ZNF680: variants seen among roughly 807,000 people sequenced by gnomAD.
ZNF680 encodes hypothetical protein FLJ90430.
Under a neutral mutation model 12.1 loss-of-function variants are expected in ZNF680, and 6 were observed. The observed-to-expected ratio is 0.49, with a 90% CI of 0.27 to 0.98. The LOEUF (loss-of-function observed/expected upper bound fraction) is 0.98. Ranked by LOEUF, ZNF680 falls within the 50% of genes least tolerant of loss-of-function variation. The pLI is 0.12. For synonymous variants in ZNF680, 170 were observed against 199.3 expected, an observed-to-expected ratio of 0.85 and a Z score of 1.24; for missense variants, 561 against 616.3, an observed-to-expected ratio of 0.91 and a Z score of 0.95.
At chr7:64,525,948 A>C (rs1791817224) in intron 3 of ZNF680, 1 of 985,218 alleles carries the variant, frequency 1.0e-6, no homozygotes, top group African/African-American at 1.7e-5. Flanking sequence ...TTGGTAGTAG[A>C]CATATGGCTG....
intron 3 of ZNF680, 123 bp downstream of exon 3, chr7:64,543,584 T>G: frequency 1.3e-6 from 1 of 784,822 alleles, no homozygotes; most frequent in African/African-American, 1.8e-5. Flanking sequence ...GAAACTGAGC[T>G]TCCCAAAAAC....
At chr7:64,542,729 GTC>G (rs1352822454) in intron 3 of ZNF680, among the ~76,000 whole-genome samples, 1 of 152,086 alleles carries the variant, frequency 6.6e-6, no homozygotes, top group Non-Finnish European at 1.5e-5. Context: ...TTGAGACAGA[GTC>G]TCTGTCACAC....
Position 64,520,255 on chromosome 7 carries a change from T to A in ZNF680, c.*906A>T, listed in dbSNP as rs1427519007. On this transcript the variant is annotated 3_prime_UTR_variant, in exon 4 of 4. Coordinates refer to ENST00000309683, the MANE Select transcript of ZNF680 (RefSeq NM_178558.5). ...TTTATCACATGCTTTCACATGTGAA[T>A]ACAATAGGAATGAAATAAAGTAATT... 2 of 151,798 alleles carry A rather than the reference T, an allele frequency of 1.3e-5. No individual in the cohort carries two copies. The highest frequency in any genetic ancestry group is 3.0e-5 in the Non-Finnish European group (2 of 67,710). The allele number at this position is 151,798 out of a possible 1,614,324, so 9.4% of individuals were successfully genotyped here. A position where few individuals can be genotyped will look rare whatever the true frequency, so the allele number is the denominator to read the frequency against.
At chr7:64,518,634 T>TA (rs1328003597), downstream of ZNF680, among the ~76,000 whole-genome samples, 1 of 151,766 alleles carries the variant, frequency 6.6e-6, no homozygotes. Context: ...GGTACTGATA[T>TA]AAAAATAGGC....
At chr7:64,503,146 A>G in the ZNF680 span, among the ~76,000 whole-genome samples, 1 of 152,132 alleles carries the variant, frequency 6.6e-6, no homozygotes, top group Non-Finnish European at 1.5e-5. Context: ...TAGTATAAAG[A>G]AGCTGTTAGC....
the ZNF680 span, among the ~76,000 whole-genome samples, chr7:64,508,380 A>G: frequency 6.6e-6 from 1 of 152,048 alleles, no homozygotes; most frequent in Non-Finnish European, 1.5e-5. Context: ...AAAACATTTA[A>G]CTACTATTAT....
At position 64,522,009 on chromosome 7, in the gene ZNF680, G is replaced by A. The variant is rs752679571; in HGVS notation, c.745C>T (p.Gln249Ter). The A allele has an allele frequency of 3.1e-6, 5 of 1,612,224 alleles. No individual in the cohort carries two copies. The highest frequency in any genetic ancestry group is 1.1e-5 in the South Asian group (1 of 90,940). Residue 249 changes from glutamine to a stop codon, truncating the protein, a stop_gained, in exon 4 of 4, where the codon CAA becomes TAA. Coordinates refer to ENST00000309683, the MANE Select transcript of ZNF680 (RefSeq NM_178558.5). LOFTEE classifies it low-confidence loss of function (END_TRUNC). The part of the protein sequence containing the change: ...KCEECGKAFN[Q>*]SSTLIKHKKI... ...TTATGTTTAATAAGGGTTGAGGATT[G>A]GTTAAAGGCTTTGCCACATTCCTCA...
the ZNF680 span, among the ~76,000 whole-genome samples, chr7:64,508,120 A>AATATATATATATATATATATATATAT: frequency 5.8e-5 from 4 of 69,198 alleles, no homozygotes; most frequent in East Asian, 5.0e-4. Context: ...TATATTTTAA[A>AATATATATATATATATATATATATAT]ATGTATATAT....
the ZNF680 span, among the ~76,000 whole-genome samples, chr7:64,505,419 TA>T: frequency 1.3e-5 from 2 of 152,234 alleles, no homozygotes; most frequent in African/African-American, 4.8e-5. Flanking sequence ...ATTTCAATTG[TA>T]AAAACTATTT....
chr7:64,562,767 T>G (rs1217415341), intron 1 of ZNF680, among the ~76,000 whole-genome samples, 158 bp downstream of exon 1: 1 of 152,174 alleles, frequency 6.6e-6, no homozygotes, highest in African/African-American at 2.4e-5. Context: ...GCCGCCATCT[T>G]ATGGCTGAAG....
At chr7:64,517,138 G>C (rs923015970), downstream of ZNF680, among the ~76,000 whole-genome samples, 3 of 151,090 alleles carry the variant, frequency 2.0e-5, no homozygotes, top group Middle Eastern at 6.8e-3. Context: ...AGATTAAAAA[G>C]AAAAAAAGAC....
At chr7:64,533,241 T>C (rs1023103653) in intron 3 of ZNF680, among the ~76,000 whole-genome samples, 2 of 152,170 alleles carry the variant, frequency 1.3e-5, no homozygotes, top group Admixed American at 1.3e-4. Context: ...TGTTTGCTGG[T>C]GATATGATCT....
intron 3 of ZNF680, chr7:64,524,721 A>T (rs1301988049): frequency 6.6e-6 from 1 of 152,212 alleles, no homozygotes; most frequent in Non-Finnish European, 1.5e-5. Flanking sequence ...ACATAATGAT[A>T]AACAGCCTTC....
intron 3 of ZNF680, among the ~76,000 whole-genome samples, chr7:64,523,727 C>T (rs7793429): frequency 6.6e-6 from 1 of 151,712 alleles, no homozygotes; most frequent in Admixed American, 6.6e-5. Flanking sequence ...TCCTGGCTAA[C>T]ATGGTGAAAC....
chr7:64,523,731 G>A (rs919402409), intron 3 of ZNF680, among the ~76,000 whole-genome samples: 2 of 151,882 alleles, frequency 1.3e-5, no homozygotes, highest in Non-Finnish European at 2.9e-5. Context: ...GGCTAACATG[G>A]TGAAACCCTG....
intron 1 of ZNF680, among the ~76,000 whole-genome samples, chr7:64,562,605 C>T (rs1052607307): frequency 6.6e-6 from 1 of 152,210 alleles, no homozygotes; most frequent in Non-Finnish European, 1.5e-5. Flanking sequence ...ACCCCATGGA[C>T]CAAAGCGCTT....
downstream of ZNF680, among the ~76,000 whole-genome samples, chr7:64,519,576 T>C (rs1465905060): frequency 6.6e-6 from 1 of 151,856 alleles, no homozygotes; most frequent in Non-Finnish European, 1.5e-5. Context: ...ACCAGCACCA[T>C]GCTGTTTCGA....
intron 1 of ZNF680, among the ~76,000 whole-genome samples, chr7:64,554,569 A>G (rs1442016838): frequency 6.6e-6 from 1 of 152,234 alleles, no homozygotes; most frequent in Admixed American, 6.5e-5. Context: ...AATGTGGGGA[A>G]AAGAAAGAGA....
Position 64,543,578 on chromosome 7 carries a change from C to T in ZNF680, c.253+129G>A, listed in dbSNP as rs1786619898. On this transcript the variant is annotated intron_variant, in intron 3 of 3. Coordinates refer to ENST00000309683, the MANE Select transcript of ZNF680 (RefSeq NM_178558.5). ...CTATGTGAGAGCAAGAGAAAAGAAA[C>T]TGAGCTTCCCAAAAACTATTTTCTC... The T allele has an allele frequency of 8.1e-6, 6 of 736,326 alleles. No individual in the cohort carries two copies. The South Asian group carries it at 1.1e-4, about 13-fold the overall frequency. 45.6% of individuals were successfully genotyped at this position (736,326 alleles called of 1,614,324 possible).
Sources: gnomAD v4.1 joint callset for allele counts (sites outside exome capture counted in the v4.1 genomes callset) on GRCh38, gnomAD v4.1.1 for gene constraint, MANE v1.5 for transcripts, NCBI Gene and HGNC (gene_info 2026-07-23, HGNC 2026-07-21) for gene names.